The following NRG1 variants were observed in gnomAD, a reference collection of about 807,000 sequenced individuals.
NRG1 encodes the protein pro-neuregulin-1, membrane-bound isoform.
NRG1 carries 18 observed loss-of-function variants against 63.8 expected under a neutral mutation model. The ratio of observed to expected loss-of-function variants is 0.28; its 90% CI spans 0.19 to 0.42. The LOEUF (loss-of-function observed/expected upper bound fraction) is 0.42, where lower values mean the gene tolerates loss of function less well. Among genes scored for constraint, NRG1 ranks in the 10% least tolerant of loss-of-function variants. The pLI is 1.00. For synonymous variants in NRG1, 302 were observed against 301.3 expected, an observed-to-expected ratio of 1.00 and a Z score of -0.02; for missense variants, 762 against 814.7, an observed-to-expected ratio of 0.94 and a Z score of 0.79.
chr8:31,851,781 C>T (rs1167066897), intron 1 of NRG1, among the ~76,000 whole-genome samples: 1 of 134,544 alleles, frequency 7.4e-6, no homozygotes, highest in African/African-American at 2.8e-5. Context: ...ACAACAGTCC[C>T]CAGAGTGTGA....
chr8:31,838,575 T>A (rs886311522), intron 1 of NRG1, among the ~76,000 whole-genome samples: 4 of 152,296 alleles, frequency 2.6e-5, no homozygotes, highest in Admixed American at 6.5e-5. Flanking sequence ...GAACATGATA[T>A]GCCTTTCCAT....
chr8:31,898,520 G>T (rs1421010821), intron 1 of NRG1, among the ~76,000 whole-genome samples: 4 of 151,972 alleles, frequency 2.6e-5, no homozygotes, highest in Non-Finnish European at 4.4e-5. Flanking sequence ...GTTCTGATCT[G>T]CTGCTCTACC....
At chr8:31,901,089 T>C (rs539598955) in intron 1 of NRG1, among the ~76,000 whole-genome samples, 42 of 152,236 alleles carry the variant, frequency 2.8e-4, no homozygotes, top group African/African-American at 9.9e-4. Flanking sequence ...CACTAATGAG[T>C]AGATGGCAAG....
intron 1 of NRG1, among the ~76,000 whole-genome samples, chr8:32,173,881 A>G (rs972266262): frequency 2.0e-5 from 3 of 152,198 alleles, no homozygotes; most frequent in Non-Finnish European, 2.9e-5. Context: ...ACTCCCACAC[A>G]ATAATAATGG....
At chr8:32,732,123 G>T (rs975321328) in intron 6 of NRG1, among the ~76,000 whole-genome samples, 1 of 152,170 alleles carries the variant, frequency 6.6e-6, no homozygotes, top group South Asian at 2.1e-4. Context: ...TCCTCCTGGG[G>T]ACTGTGTGGG....
At chr8:32,378,682 A>G (rs1359208855) in intron 1 of NRG1, among the ~76,000 whole-genome samples, 1 of 152,122 alleles carries the variant, frequency 6.6e-6, no homozygotes, top group African/African-American at 2.4e-5. Context: ...GGTTAGTTAC[A>G]TATTTATACA....
At chr8:31,745,286 C>T (rs561088623) in intron 1 of NRG1, among the ~76,000 whole-genome samples, 10 of 151,960 alleles carry the variant, frequency 6.6e-5, no homozygotes, top group Non-Finnish European at 1.3e-4. Flanking sequence ...GAACGGCCTG[C>T]GCAAACACAC....
intron 1 of NRG1, among the ~76,000 whole-genome samples, chr8:31,934,752 T>C (rs1486001082): frequency 6.6e-6 from 1 of 152,148 alleles, no homozygotes; most frequent in African/African-American, 2.4e-5. Context: ...TTTCTATCTA[T>C]CTACTTATCT....
intron 1 of NRG1, among the ~76,000 whole-genome samples, chr8:32,437,194 C>T (rs1003048660): frequency 6.6e-6 from 1 of 152,112 alleles, no homozygotes; most frequent in African/African-American, 2.4e-5. Flanking sequence ...TACCTACCTA[C>T]CTATTCATTG....
rs981748855 is a variant in NRG1 at position 32,328,101 on chromosome 8, T to C, written c.38-267727T>C. 4.6e-5 allele frequency among the ~76,000 whole-genome samples: 7 copies of C among 152,292 alleles called. No homozygotes were observed. The East Asian group carries it at 5.8e-4, about 13-fold the overall frequency. Reference sequence around the variant, plus strand: ...ATGGCAGACACAGAATGTCCCAAATTGAGACAGCATCTTTTAAGCAAATTG... The same window carrying C: ...ATGGCAGACACAGAATGTCCCAAATCGAGACAGCATCTTTTAAGCAAATTG... On this transcript the variant is annotated intron_variant, in intron 1 of 10. Transcript: ENST00000519301.
intron 5 of NRG1, among the ~76,000 whole-genome samples, chr8:32,680,998 A>T (rs1177605384): frequency 6.6e-6 from 1 of 152,228 alleles, no homozygotes; most frequent in Non-Finnish European, 1.5e-5. Context: ...TAAATTATGA[A>T]GCCAAAGATG....
At chr8:32,650,232 G>A (rs539143741) in intron 5 of NRG1, among the ~76,000 whole-genome samples, 8 of 151,638 alleles carry the variant, frequency 5.3e-5, no homozygotes, top group African/African-American at 1.9e-4. Flanking sequence ...TTTTCCCCAA[G>A]CCAGGGCATT....
chr8:32,232,969 A>G (rs958277571), intron 1 of NRG1, among the ~76,000 whole-genome samples: 1 of 152,164 alleles, frequency 6.6e-6, no homozygotes, highest in Non-Finnish European at 1.5e-5. Context: ...TAGCTAATTC[A>G]TGGTAGTTAA....
intron 5 of NRG1, among the ~76,000 whole-genome samples, chr8:32,637,419 A>G (rs1851540966): frequency 6.6e-6 from 1 of 152,108 alleles, no homozygotes. Flanking sequence ...TTTTCTAGTC[A>G]TCATATTTCA....
intron 1 of NRG1, among the ~76,000 whole-genome samples, chr8:31,800,823 C>A: frequency 6.7e-6 from 1 of 148,508 alleles, no homozygotes. Flanking sequence ...ATTTAGATTT[C>A]TCCAGTCTCC....
At chr8:32,731,168 C>T (rs951742531) in intron 6 of NRG1, among the ~76,000 whole-genome samples, 5 of 152,118 alleles carry the variant, frequency 3.3e-5, no homozygotes, top group African/African-American at 1.2e-4. Context: ...AACATGCAAT[C>T]GCGTAAGTGC....
chr8:32,480,446 A>G (rs951936847), intron 1 of NRG1, among the ~76,000 whole-genome samples: 2 of 151,490 alleles, frequency 1.3e-5, no homozygotes, highest in African/African-American at 4.9e-5. Context: ...AAAAAAAAAA[A>G]AAAGGTTTCA....
chr8:32,678,260 T>C (rs1807701006), intron 5 of NRG1, among the ~76,000 whole-genome samples: 1 of 152,136 alleles, frequency 6.6e-6, no homozygotes, highest in Admixed American at 6.6e-5. Flanking sequence ...TCCGCTAATG[T>C]CCCAGGTCAC....
chr8:32,444,106 T>G (rs540643662), intron 1 of NRG1, among the ~76,000 whole-genome samples: 6 of 149,308 alleles, frequency 4.0e-5, no homozygotes, highest in East Asian at 2.0e-4. Flanking sequence ...TCCTCTTTCT[T>G]TCTGTCTGTC....
Sources: allele counts gnomAD v4.1 joint callset (sites outside exome capture counted in the v4.1 genomes callset), GRCh38; gene constraint gnomAD v4.1.1; transcripts MANE v1.5; gene names NCBI Gene and HGNC (gene_info 2026-07-23, HGNC 2026-07-21).